Variants in TRIM5 observed in about 807,000 individuals in gnomAD.
The protein encoded by TRIM5 is tripartite motif containing 5, also known as tripartite motif-containing protein 5.
Under a neutral mutation model 35.6 loss-of-function variants are expected in TRIM5, and 31 were observed. That is an observed-to-expected ratio of 0.87 (90% CI 0.65 to 1.18). TRIM5 has a LOEUF of 1.18. Ranked by LOEUF, TRIM5 falls within the 50% of genes most tolerant of loss-of-function variation. TRIM5 has a pLI of 0.00. For missense variants in TRIM5, 609 were observed against 591.6 expected (o/e 1.03, Z -0.31); for synonymous variants, 243 against 215.6 (o/e 1.13, Z -1.11).
chr11:5,657,598 TA>T, the TRIM5 span, among the ~76,000 whole-genome samples: 3 of 97,042 alleles, frequency 3.1e-5, no homozygotes, highest in African/African-American at 9.5e-5. Context: ...GCATTATATA[TA>T]ATATATATTT....
the TRIM5 span, among the ~76,000 whole-genome samples, chr11:5,634,248 C>T: frequency 2.0e-5 from 3 of 151,954 alleles, no homozygotes; most frequent in Non-Finnish European, 4.4e-5. Flanking sequence ...GTAAGGCAGG[C>T]AGTCATGAAT....
At chr11:5,634,634 C>G in the TRIM5 span, 2 of 1,611,314 alleles carry the variant, frequency 1.2e-6, no homozygotes, top group Admixed American at 3.3e-5. Flanking sequence ...CTTGCAGTAT[C>G]AGGTACAAAC....
chr11:5,626,882 C>CAAAAAA, the TRIM5 span: 2 of 128,056 alleles, frequency 1.6e-5, no homozygotes, highest in African/African-American at 5.8e-5. Flanking sequence ...GACTCTGTCT[C>CAAAAAA]AAAAAAAAAA....
At chr11:5,673,385 T>C (rs1277725121) in intron 4 of TRIM5, among the ~76,000 whole-genome samples, 1 of 152,098 alleles carries the variant, frequency 6.6e-6, no homozygotes. Context: ...GAAATAACAA[T>C]ATTAGTGTAT....
chr11:5,624,512 C>T, the TRIM5 span, among the ~76,000 whole-genome samples: 2 of 152,100 alleles, frequency 1.3e-5, no homozygotes, highest in Admixed American at 6.6e-5. Context: ...TAAACTGATT[C>T]GAGGGACCAT....
chr11:5,684,794 C>T (rs1472473648), intron 1 of TRIM5, 74 bp downstream of exon 1: 1 of 152,458 alleles, frequency 6.6e-6, no homozygotes, highest in East Asian at 1.9e-4. Context: ...CCTCAGTCAG[C>T]TCTGGCAGCA....
chr11:5,623,612 C>A, the TRIM5 span, among the ~76,000 whole-genome samples: 1 of 150,108 alleles, frequency 6.7e-6, no homozygotes, highest in East Asian at 2.0e-4. Context: ...GAACTCCTGA[C>A]CTTGTGATCC....
At chr11:5,648,829 G>A in the TRIM5 span, among the ~76,000 whole-genome samples, 48 of 152,270 alleles carry the variant, frequency 3.2e-4, no homozygotes, top group East Asian at 9.6e-4. Context: ...GTTTTAAAAC[G>A]TTAAATAATT....
chr11:5,637,875 G>T, the TRIM5 span, among the ~76,000 whole-genome samples: 5 of 152,166 alleles, frequency 3.3e-5, no homozygotes, highest in East Asian at 9.6e-4. Flanking sequence ...ATAAGGGTCT[G>T]TTGCATAATG....
chr11:5,637,227 C>A, the TRIM5 span, among the ~76,000 whole-genome samples: 1 of 152,114 alleles, frequency 6.6e-6, no homozygotes, highest in Admixed American at 6.5e-5. Context: ...ACAATCCCAT[C>A]TCCTGAGAGT....
chr11:5,617,682 G>A, the TRIM5 span, among the ~76,000 whole-genome samples: 2 of 143,034 alleles, frequency 1.4e-5, 1 homozygote, highest in Non-Finnish European at 3.1e-5. Context: ...TAGAGACGGG[G>A]TTTCGCCATG....
At chr11:5,647,300 C>T in the TRIM5 span, among the ~76,000 whole-genome samples, 1 of 152,110 alleles carries the variant, frequency 6.6e-6, no homozygotes, top group Non-Finnish European at 1.5e-5. Context: ...TAAGATGTCA[C>T]CTTTTCATAC....
chr11:5,664,811 A>C lies in TRIM5; in HGVS notation c.1480T>G (p.Ter494GlyextTer50). ...VPMTLCSPSS[*>G] ...AGGGGCTGAGTGTGTAAGAAGGTTCAAGAGCTTGGTGAGCACAGAGTCATG... is the reference window on the plus strand; with the variant it reads ...AGGGGCTGAGTGTGTAAGAAGGTTCCAGAGCTTGGTGAGCACAGAGTCATG... The change falls in exon 8 of 8, where the codon TGA (stop) becomes GGA (glycine). Residue 494 changes from the stop codon to glycine, a stop_lost. Coordinates refer to ENST00000380034, the MANE Select transcript of TRIM5 (RefSeq NM_033034.3). The C allele has an allele frequency of 1.3e-6, 2 of 1,585,124 alleles. No homozygotes were observed. The highest frequency in any genetic ancestry group is 8.6e-7 in the Non-Finnish European group (1 of 1,168,304).
At chr11:5,676,072 G>A (rs932812401) in intron 4 of TRIM5, among the ~76,000 whole-genome samples, 7 of 142,026 alleles carry the variant, frequency 4.9e-5, no homozygotes, top group African/African-American at 1.0e-4. Flanking sequence ...TGGTGTATAC[G>A]TGCCACATTT....
At chr11:5,594,377 G>T in the TRIM5 span, among the ~76,000 whole-genome samples, 1 of 151,982 alleles carries the variant, frequency 6.6e-6, no homozygotes, top group Non-Finnish European at 1.5e-5. Flanking sequence ...GCAGGATCAT[G>T]GCTCACTGCA....
chr11:5,674,590 T>C (rs1034491814), intron 4 of TRIM5, among the ~76,000 whole-genome samples: 4 of 152,298 alleles, frequency 2.6e-5, no homozygotes, highest in Admixed American at 2.6e-4. Context: ...GACTCCAGAC[T>C]GGTATCTATG....
At chr11:5,591,024 C>T in the TRIM5 span, 3 of 168,652 alleles carry the variant, frequency 1.8e-5, no homozygotes, top group Non-Finnish European at 3.8e-5. Flanking sequence ...ACACTTGCAT[C>T]TAAGATAGTA....
Position 5,667,765 on chromosome 11 carries a change from A to T in TRIM5, c.745-54T>A, listed in dbSNP as rs1411441449. ...AGAAAGAAAGAGTCTCTCCTCACTT[A>T]TAAAGCTTCATCACATTTCCCCCGG... On this transcript the variant is annotated intron_variant, in intron 4 of 7. Transcript: ENST00000380034. 2.5e-6 allele frequency: 4 copies of T among 1,588,042 alleles called. No individual in the cohort carries two copies. In the Admixed American group the frequency reaches 6.9e-5, roughly 28 times the overall value.
the TRIM5 span, among the ~76,000 whole-genome samples, chr11:5,595,818 G>A: frequency 4.6e-5 from 7 of 151,052 alleles, no homozygotes; most frequent in African/African-American, 1.5e-4. Flanking sequence ...TCAGCCTCCC[G>A]AGTAGCTAGG....
Sources: gnomAD v4.1 joint callset for allele counts (sites outside exome capture counted in the v4.1 genomes callset) on GRCh38, gnomAD v4.1.1 for gene constraint, MANE v1.5 for transcripts, NCBI Gene and HGNC (gene_info 2026-07-23, HGNC 2026-07-21) for gene names.